The following ADAM12 variants were observed in gnomAD, a reference collection of about 807,000 sequenced individuals.
ADAM12 encodes the protein disintegrin and metalloproteinase domain-containing protein 12.
In ADAM12, 70 loss-of-function variants were observed where a neutral mutation model predicts 106.4. That is an observed-to-expected ratio of 0.66 (90% CI 0.54 to 0.80). ADAM12 has a LOEUF of 0.80. Ranked by LOEUF, ADAM12 falls within the 30% of genes least tolerant of loss-of-function variation. The probability of loss-of-function intolerance (pLI) is 0.00; values close to 1 mark genes in which losing one functional copy is unlikely to be tolerated. For missense variants in ADAM12, 1,010 were observed against 1,171.9 expected, an observed-to-expected ratio of 0.86 and a Z score of 2.02; for synonymous variants, 420 against 433.5, an observed-to-expected ratio of 0.97 and a Z score of 0.39.
At chr10:126,218,704 T>C (rs886471271) in intron 3 of ADAM12, among the ~76,000 whole-genome samples, 3 of 152,294 alleles carry the variant, frequency 2.0e-5, no homozygotes, top group East Asian at 1.9e-4. Flanking sequence ...GCTTTATCCA[T>C]GTTCAAAGGA....
chr10:126,153,979 T>C (rs1956771729), intron 4 of ADAM12, among the ~76,000 whole-genome samples: 1 of 152,218 alleles, frequency 6.6e-6, no homozygotes, highest in Non-Finnish European at 1.5e-5. Context: ...CCAAGACACC[T>C]GGCAAACAAT....
At chr10:126,181,850 C>T (rs552859130) in intron 3 of ADAM12, among the ~76,000 whole-genome samples, 8 of 152,298 alleles carry the variant, frequency 5.3e-5, no homozygotes, top group South Asian at 4.1e-4. Context: ...GACCAATAGC[C>T]GCAGGAGCCC....
chr10:126,163,985 G>A (rs1046241744), intron 3 of ADAM12, among the ~76,000 whole-genome samples: 3 of 152,116 alleles, frequency 2.0e-5, no homozygotes, highest in East Asian at 1.9e-4. Flanking sequence ...GATCATACAG[G>A]GGGTATGGGG....
At chr10:126,084,369 T>C (rs942633739) in intron 11 of ADAM12, among the ~76,000 whole-genome samples, 1 of 152,198 alleles carries the variant, frequency 6.6e-6, no homozygotes, top group African/African-American at 2.4e-5. Context: ...TCAGAGGCCA[T>C]GTATCAGACG....
chr10:126,313,126 C>T (rs1478700222), intron 2 of ADAM12, among the ~76,000 whole-genome samples: 1 of 152,166 alleles, frequency 6.6e-6, no homozygotes, highest in East Asian at 1.9e-4. Context: ...TGCAGCTTGG[C>T]TGGGATGAAA....
At chr10:126,247,508 A>G (rs1958653522) in intron 3 of ADAM12, among the ~76,000 whole-genome samples, 1 of 152,202 alleles carries the variant, frequency 6.6e-6, no homozygotes, top group Admixed American at 6.5e-5. Context: ...TTTAGGAGAG[A>G]GCCTGCCATC....
At chr10:126,331,919 G>T (rs529114002) in intron 1 of ADAM12, among the ~76,000 whole-genome samples, 30 of 152,290 alleles carry the variant, frequency 2.0e-4, no homozygotes, top group African/African-American at 6.5e-4. Context: ...CTCTGAATGG[G>T]AAGCATCAGA....
At chr10:126,129,538 G>C (rs908731166) in intron 5 of ADAM12, among the ~76,000 whole-genome samples, 3 of 152,202 alleles carry the variant, frequency 2.0e-5, no homozygotes, top group Non-Finnish European at 2.9e-5. Flanking sequence ...GAAGCTCATG[G>C]CTGTGCCTCC....
At chr10:126,173,773 G>C (rs1454325719) in intron 3 of ADAM12, among the ~76,000 whole-genome samples, 2 of 152,064 alleles carry the variant, frequency 1.3e-5, no homozygotes, top group Non-Finnish European at 2.9e-5. Flanking sequence ...CCCGAGACCA[G>C]AGGCCCCAAC....
intron 18 of ADAM12, among the ~76,000 whole-genome samples, chr10:126,040,695 AAC>A (rs1048435084): frequency 6.6e-6 from 1 of 152,192 alleles, no homozygotes; most frequent in Non-Finnish European, 1.5e-5. Context: ...GGTGTCTCAT[AAC>A]AAAGTTAATT....
At chr10:126,166,654 A>T (rs1034977750) in intron 3 of ADAM12, among the ~76,000 whole-genome samples, 3 of 152,128 alleles carry the variant, frequency 2.0e-5, no homozygotes, top group Non-Finnish European at 1.5e-5. Context: ...ATGTGCCACC[A>T]CACCCAGGTA....
Position 126,226,440 on chromosome 10 carries a change from T to C in ADAM12, c.260+52475A>G, listed in dbSNP as rs895226079. On this transcript the variant is annotated intron_variant, in intron 3 of 22. Transcript: ENST00000448723. ...GTTGGCAAGGGGTGTGAAGGCAACA[T>C]GGGCACAGCTGACATGCATGCAATG... 1.5e-4 allele frequency among the ~76,000 whole-genome samples: 23 copies of C among 152,108 alleles called. 1 individual carries two copies. The highest frequency in any genetic ancestry group is 1.4e-3 in the Admixed American group (21 of 15,272).
chr10:126,032,717 G>C (rs1415532073), intron 21 of ADAM12, among the ~76,000 whole-genome samples: 1 of 152,156 alleles, frequency 6.6e-6, no homozygotes, highest in Non-Finnish European at 1.5e-5. Context: ...GCTAATATTG[G>C]TGCATTTTAT....
intron 2 of ADAM12, among the ~76,000 whole-genome samples, chr10:126,287,910 C>T (rs936639583): frequency 2.3e-4 from 35 of 152,052 alleles, no homozygotes; most frequent in African/African-American, 7.0e-4. Flanking sequence ...AATTTGTCAG[C>T]GTGCTCCACA....
chr10:126,357,642 C>T (rs570548352), intron 1 of ADAM12, among the ~76,000 whole-genome samples: 4 of 152,176 alleles, frequency 2.6e-5, no homozygotes, highest in African/African-American at 4.8e-5. Context: ...TAGCAGAAGG[C>T]GAAGCAAACA....
At chr10:126,233,293 G>A (rs2133629154) in intron 3 of ADAM12, among the ~76,000 whole-genome samples, 1 of 152,288 alleles carries the variant, frequency 6.6e-6, no homozygotes, top group Admixed American at 6.5e-5. Flanking sequence ...GAGGATGCTA[G>A]AAGAGCCTCG....
chr10:126,305,515 G>T (rs193102354), intron 2 of ADAM12, among the ~76,000 whole-genome samples: 7 of 152,136 alleles, frequency 4.6e-5, no homozygotes. Context: ...TGACTATGAA[G>T]AAATATTTTT....
At chr10:126,329,917 T>G (rs1298372704) in intron 2 of ADAM12, among the ~76,000 whole-genome samples, 1 of 152,184 alleles carries the variant, frequency 6.6e-6, no homozygotes, top group Non-Finnish European at 1.5e-5. Context: ...GATATTAAAT[T>G]TAATCACTAT....
intron 14 of ADAM12, among the ~76,000 whole-genome samples, chr10:126,050,683 T>A (rs925691877): frequency 1.3e-5 from 2 of 152,204 alleles, no homozygotes; most frequent in Non-Finnish European, 2.9e-5. Flanking sequence ...ACAGAAGATG[T>A]TCTTCTTACT....
Sources: gnomAD v4.1 joint callset for allele counts (sites outside exome capture counted in the v4.1 genomes callset) on GRCh38, gnomAD v4.1.1 for gene constraint, MANE v1.5 for transcripts, NCBI Gene and HGNC (gene_info 2026-07-23, HGNC 2026-07-21) for gene names.